ZNF70: variants seen among roughly 807,000 people sequenced by gnomAD.
ZNF70 encodes the protein zinc finger protein N27C7-1.
A neutral mutation model predicts 37.7 loss-of-function variants in ZNF70; 18 were observed. The observed-to-expected ratio is 0.48, with a 90% CI of 0.33 to 0.71. ZNF70 has a LOEUF of 0.71. ZNF70 is among the 30% of genes least tolerant of loss of function. ZNF70 has a pLI of 0.02. For missense variants in ZNF70, 506 were observed against 568.6 expected, an observed-to-expected ratio of 0.89 and a Z score of 1.12; for synonymous variants, 219 against 220.1, an observed-to-expected ratio of 0.99 and a Z score of 0.05.
At chr22:23,745,445 G>A (rs777246134) in intron 1 of ZNF70, among the ~76,000 whole-genome samples, 1 of 152,116 alleles carries the variant, frequency 6.6e-6, no homozygotes, top group Non-Finnish European at 1.5e-5. Flanking sequence ...TAGACTCAAC[G>A]GGCTGAAGGT....
chr22:23,749,441 T>C (rs1371221127), intron 1 of ZNF70, among the ~76,000 whole-genome samples: 1 of 120,202 alleles, frequency 8.3e-6, no homozygotes, highest in Non-Finnish European at 1.6e-5. Context: ...GGCAGGAGAA[T>C]GGCGTGAACC....
chr22:23,751,072 A>G lies in ZNF70; in HGVS notation c.-441T>C, dbSNP rs1043390699. On this transcript the variant is annotated 5_prime_UTR_variant, in exon 1 of 2. Transcript: ENST00000341976. ...CCTGAGCTGCTCCAACCCGCGGCCG[A>G]CGCGGCCGACGCTGCCTGGCTCCAC... 1 of 151,718 alleles carries G rather than the reference A, an allele frequency of 6.6e-6. No homozygotes were observed. The highest frequency in any genetic ancestry group is 6.6e-5 in the Admixed American group (1 of 15,224). The allele number at this position is 151,718 out of a possible 1,614,324, so 9.4% of individuals were successfully genotyped here.
Position 23,744,913 on chromosome 22 carries a change from A to G in ZNF70, c.228T>C (p.His76=). 1 of 1,614,170 alleles carries G rather than the reference A, an allele frequency of 6.2e-7. No individual in the cohort carries two copies. Among genetic ancestry groups the G allele is most frequent in the Non-Finnish European group, 8.5e-7 (1 of 1,180,040 alleles). Residue 76 remains histidine, a synonymous_variant, in exon 2 of 2, where the codon CAT becomes CAC. Transcript: ENST00000341976. ...GTCTGGTTCCTGGGGGGATACTTTG[A>G]TGCTGAACAGGGCTTGAGCACAAAC... is the stretch of plus-strand genomic sequence containing the variant. The part of the protein sequence containing the change: ...NFSLCSSPVQ[H]QSIPPGTRPQ...
At position 23,745,150 on chromosome 22, in the gene ZNF70, G is replaced by C. The variant is rs752063041; in HGVS notation, c.-10C>G. 6.2e-7 allele frequency: 1 copy of C among 1,607,900 alleles called. No homozygotes were observed. The highest frequency in any genetic ancestry group is 8.5e-7 in the Non-Finnish European group (1 of 1,175,740). ...CTGGGGGAACCTCCATTGTGAATCT[G>C]CTATCATCCCCAATGGTTGTATTTC... On this transcript the variant is annotated 5_prime_UTR_variant, in exon 2 of 2. Transcript: ENST00000341976.
At position 23,739,634 on chromosome 22, in the gene ZNF70, TG is replaced by T. The variant is rs982764699; in HGVS notation, c.*4165del. 2 of 151,362 alleles carry T rather than the reference TG, an allele frequency of 1.3e-5. No individual in the cohort carries two copies. Among genetic ancestry groups the T allele is most frequent in the African/African-American group, 4.9e-5 (2 of 41,112 alleles). 9.4% of individuals were successfully genotyped at this position (151,362 alleles called of 1,614,324 possible). ...TTTTCCCCGAGATGGAGTCTTGCCCTGTCACCCAGGCTGAAGGGTAGTGGCA... is the reference window on the plus strand; with the variant it reads ...TTTTCCCCGAGATGGAGTCTTGCCCTTCACCCAGGCTGAAGGGTAGTGGCA... On this transcript the variant is annotated 3_prime_UTR_variant, in exon 2 of 2. Coordinates refer to ENST00000341976, the MANE Select transcript of ZNF70 (RefSeq NM_021916.4).
Position 23,743,434 on chromosome 22 carries a change from G to A in ZNF70, c.*366C>T, listed in dbSNP as rs1924949825. The A allele has an allele frequency of 4.6e-6, 1 of 218,590 alleles. No individual in the cohort carries two copies. The highest frequency in any genetic ancestry group is 1.2e-4 in the South Asian group (1 of 8,674). 13.5% of individuals were successfully genotyped at this position (218,590 alleles called of 1,614,324 possible). ...AAGAGTTCTTCTGATATTTTCCTGG[G>A]TTTAATTCAACTTTCTCCCTCTTGG... On this transcript the variant is annotated 3_prime_UTR_variant, in exon 2 of 2. Transcript: ENST00000341976.
intron 1 of ZNF70, 87 bp from the exon 2 acceptor site, chr22:23,745,306 A>G: frequency 1.4e-6 from 1 of 703,258 alleles, no homozygotes; most frequent in Non-Finnish European, 2.4e-6. Flanking sequence ...TATGGTAGAA[A>G]CAAGAAAATA....
Position 23,744,541 on chromosome 22 carries a change from C to T in ZNF70, c.600G>A (p.Glu200=). ...HTGEKPYECR[E]CGKAFRQSSA... ...AGCTCTGGCGGAAGGCCTTCCCACACTCCCGGCACTCGTAGGGCTTCTCCC... is the reference window on the plus strand; with the variant it reads ...AGCTCTGGCGGAAGGCCTTCCCACATTCCCGGCACTCGTAGGGCTTCTCCC... The change falls in exon 2 of 2, where the codon GAG becomes GAA. Residue 200 remains glutamate, a synonymous_variant. Coordinates refer to ENST00000341976, the MANE Select transcript of ZNF70 (RefSeq NM_021916.4). 2 of 1,613,896 alleles carry T rather than the reference C, an allele frequency of 1.2e-6. No individual in the cohort carries two copies. The highest frequency in any genetic ancestry group is 1.7e-6 in the Non-Finnish European group (2 of 1,179,932).
Position 23,743,136 on chromosome 22 carries a change from G to C in ZNF70, c.*664C>G, listed in dbSNP as rs186165621. 6.6e-6 allele frequency: 1 copy of C among 152,602 alleles called. No homozygotes were observed. 9.5% of individuals were successfully genotyped at this position (152,602 alleles called of 1,614,324 possible). On this transcript the variant is annotated 3_prime_UTR_variant, in exon 2 of 2. Transcript: ENST00000341976. ...ATCAAATCTCTATCCTCCTGTAACA[G>C]AGCTGTCTGAGGGAAACTGCCCTAG... is the stretch of plus-strand genomic sequence containing the variant.
Position 23,745,082 on chromosome 22 carries a change from T to C in ZNF70, c.59A>G (p.Glu20Gly). The C allele has an allele frequency of 6.2e-7, 1 of 1,614,206 alleles. No homozygotes were observed. ...GETFAFENRL[E>G]SQQGLFPGED... ...CCCTGGGAAAAGCCCTTGTTGTGAC[T>C]CTAACCTGTTCTCAAATGCAAAGGT... The change falls in exon 2 of 2, where the codon GAG becomes GGG. Residue 20 changes from glutamate (E) to glycine (G), a missense_variant. Physicochemically the swap from Glu to Gly is moderately conservative, Grantham distance 98 (BLOSUM62 -2). Coordinates refer to ENST00000341976, the MANE Select transcript of ZNF70 (RefSeq NM_021916.4).
In ZNF70 at chr22:23,740,709, A is replaced by G. The variant is rs1382078051; in HGVS notation, c.*3091T>C. On this transcript the variant is annotated 3_prime_UTR_variant, in exon 2 of 2. Coordinates refer to ENST00000341976, the MANE Select transcript of ZNF70 (RefSeq NM_021916.4). ...GGGAGGCAGAGGTTGCAGCAAGCCA[A>G]GATCGCACCACTGCACTCCAGCCTG... 5 of 149,638 alleles carry G rather than the reference A, an allele frequency of 3.3e-5. No homozygotes were observed. Among genetic ancestry groups the G allele is most frequent in the Non-Finnish European group, 7.4e-5 (5 of 67,650 alleles). The allele number at this position is 149,638 out of a possible 1,614,324, so 9.3% of individuals were successfully genotyped here. A position where few individuals can be genotyped will look rare whatever the true frequency, so the allele number is the denominator to read the frequency against.
rs539407498 is a variant in ZNF70 at position 23,740,575 on chromosome 22, A to C, written c.*3225T>G. ...GGAGTTCGAGACCAGCCTGGCCAACATGGTGAAACCCCATCTCTACTAAAA... is the reference window on the plus strand; with the variant it reads ...GGAGTTCGAGACCAGCCTGGCCAACCTGGTGAAACCCCATCTCTACTAAAA... On this transcript the variant is annotated 3_prime_UTR_variant, in exon 2 of 2. Coordinates refer to ENST00000341976, the MANE Select transcript of ZNF70 (RefSeq NM_021916.4). 6.6e-6 allele frequency: 1 copy of C among 151,024 alleles called. No individual in the cohort carries two copies. Among genetic ancestry groups the C allele is most frequent in the Admixed American group, 6.6e-5 (1 of 15,164 alleles). The allele number at this position is 151,024 out of a possible 1,614,324, so 9.4% of individuals were successfully genotyped here. A position where few individuals can be genotyped will look rare whatever the true frequency, so the allele number is the denominator to read the frequency against.
In ZNF70 at chr22:23,742,653, C is replaced by G. The variant is rs912549608; in HGVS notation, c.*1147G>C. The G allele has an allele frequency of 1.3e-5, 2 of 152,378 alleles. No individual in the cohort carries two copies. The highest frequency in any genetic ancestry group is 3.8e-4 in the East Asian group (2 of 5,202). The allele number at this position is 152,378 out of a possible 1,614,324, so 9.4% of individuals were successfully genotyped here. The stretch of plus-strand genomic sequence containing the variant: ...ATGCACAGGGGTGGGGCAGGGGTCA[C>G]TCTGGGTCTCTGTCCTCAGTCACCA... On this transcript the variant is annotated 3_prime_UTR_variant, in exon 2 of 2. Transcript: ENST00000341976.
At chr22:23,749,637 T>C (rs1261979719) in intron 1 of ZNF70, among the ~76,000 whole-genome samples, 1 of 152,010 alleles carries the variant, frequency 6.6e-6, no homozygotes, top group Admixed American at 6.6e-5. Flanking sequence ...TTTCGCCATG[T>C]TGTGCAGACT....
rs984024210 is a variant in ZNF70, at chr22:23,741,426, G to A, written c.*2374C>T. 5.9e-5 allele frequency: 9 copies of A among 152,206 alleles called. No homozygotes were observed. The highest frequency in any genetic ancestry group is 1.9e-4 in the African/African-American group (8 of 41,432). 9.4% of individuals were successfully genotyped at this position (152,206 alleles called of 1,614,324 possible). A position where few individuals can be genotyped will look rare whatever the true frequency, so the allele number is the denominator to read the frequency against. On this transcript the variant is annotated 3_prime_UTR_variant, in exon 2 of 2. Transcript: ENST00000341976. Reference sequence around the variant, plus strand: ...AACTGGTTACACAGAGGGTTCTGGTGGACAATGGAGTGCTGGTTAAATGTT... The same window carrying A: ...AACTGGTTACACAGAGGGTTCTGGTAGACAATGGAGTGCTGGTTAAATGTT...
chr22:23,744,881 T>C lies in ZNF70; in HGVS notation c.260A>G (p.Asp87Gly). The change falls in exon 2 of 2, where the codon GAT becomes GGT. Residue 87 changes from aspartate (D) to glycine (G), a missense_variant. Physicochemically the swap from Asp to Gly is moderately conservative, Grantham distance 94 (BLOSUM62 -1). Coordinates refer to ENST00000341976, the MANE Select transcript of ZNF70 (RefSeq NM_021916.4). Reference sequence around the variant, plus strand: ...GAAGGTTTGTCCGAAGAGCTCATCATCCTGGGGTCTGGTTCCTGGGGGGAT... The same window carrying C: ...GAAGGTTTGTCCGAAGAGCTCATCACCCTGGGGTCTGGTTCCTGGGGGGAT... ...QSIPPGTRPQ[D>G]DELFGQTFLQ... The C allele has an allele frequency of 6.2e-7, 1 of 1,614,238 alleles. No individual in the cohort carries two copies. Among genetic ancestry groups the C allele is most frequent in the Non-Finnish European group, 8.5e-7 (1 of 1,180,042 alleles).
At position 23,740,781 on chromosome 22, in the gene ZNF70, A is replaced by C. The variant is rs900791123; in HGVS notation, c.*3019T>G. Reference sequence around the variant, plus strand: ...CAAAAAAAAAAAAAAAAAAAAAAAAACTAATAAAACAAGGAAAGAATTTGA... The same window carrying C: ...CAAAAAAAAAAAAAAAAAAAAAAAACCTAATAAAACAAGGAAAGAATTTGA... On this transcript the variant is annotated 3_prime_UTR_variant, in exon 2 of 2. Transcript: ENST00000341976. 13 of 149,462 alleles carry C rather than the reference A, an allele frequency of 8.7e-5. No individual in the cohort carries two copies. Among genetic ancestry groups the C allele is most frequent in the Admixed American group, 1.3e-4 (2 of 14,982 alleles). 9.3% of individuals were successfully genotyped at this position (149,462 alleles called of 1,614,324 possible).
intron 1 of ZNF70, among the ~76,000 whole-genome samples, chr22:23,749,693 G>A (rs1055300908): frequency 7.9e-5 from 12 of 151,944 alleles, no homozygotes; most frequent in African/African-American, 2.7e-4. Context: ...TTTGGCCTCC[G>A]AAAGTGCTGG....
rs1924822719 is a variant in ZNF70, at chr22:23,739,875, G to C, written c.*3925C>G. Reference sequence around the variant, plus strand: ...GCCTTCCAAAGTGCTGGGATTACAGGTGTGAGTCACCATGCCCGGCCCACT... The same window carrying C: ...GCCTTCCAAAGTGCTGGGATTACAGCTGTGAGTCACCATGCCCGGCCCACT... On this transcript the variant is annotated 3_prime_UTR_variant, in exon 2 of 2. Coordinates refer to ENST00000341976, the MANE Select transcript of ZNF70 (RefSeq NM_021916.4). 6.6e-6 allele frequency: 1 copy of C among 151,874 alleles called. No homozygotes were observed. The highest frequency in any genetic ancestry group is 2.4e-5 in the African/African-American group (1 of 41,360). 9.4% of individuals were successfully genotyped at this position (151,874 alleles called of 1,614,324 possible). A position where few individuals can be genotyped will look rare whatever the true frequency, so the allele number is the denominator to read the frequency against.
Sources: allele counts gnomAD v4.1 joint callset (sites outside exome capture counted in the v4.1 genomes callset), GRCh38; gene constraint gnomAD v4.1.1; transcripts MANE v1.5; gene names NCBI Gene and HGNC (gene_info 2026-07-23, HGNC 2026-07-21).